CD47: variants seen among roughly 807,000 people sequenced by gnomAD.
CD47 encodes CD47 molecule.
A neutral mutation model predicts 44.6 loss-of-function variants in CD47; 11 were observed. The ratio of observed to expected loss-of-function variants is 0.25; its 90% CI spans 0.16 to 0.41. The LOEUF is 0.41. CD47 is among the 10% of genes least tolerant of loss of function. The probability of loss-of-function intolerance (pLI) is 1.00; values close to 1 mark genes in which losing one functional copy is unlikely to be tolerated. For missense variants in CD47, 306 were observed against 386.7 expected (o/e 0.79, Z 1.75); for synonymous variants, 140 against 136.3 (o/e 1.03, Z -0.19).
intron 2 of CD47, among the ~76,000 whole-genome samples, chr3:108,074,070 C>G (rs904637933): frequency 6.6e-6 from 1 of 152,130 alleles, no homozygotes; most frequent in Non-Finnish European, 1.5e-5. Context: ...TAAGGAAGAA[C>G]TGAAATTGCC....
At chr3:108,074,469 A>G (rs1429267948) in intron 2 of CD47, among the ~76,000 whole-genome samples, 1 of 152,058 alleles carries the variant, frequency 6.6e-6, no homozygotes, top group Non-Finnish European at 1.5e-5. Flanking sequence ...AGGCGCCACC[A>G]TGCCCAGCTA....
At chr3:108,066,090 C>T (rs569899764) in intron 3 of CD47, among the ~76,000 whole-genome samples, 10 of 152,116 alleles carry the variant, frequency 6.6e-5, no homozygotes, top group Non-Finnish European at 1.0e-4. Context: ...AAGCTGTCCT[C>T]AAGTCAAAAC....
chr3:108,076,148 G>C (rs1349276920), intron 2 of CD47, among the ~76,000 whole-genome samples: 2 of 152,102 alleles, frequency 1.3e-5, no homozygotes, highest in East Asian at 1.9e-4. Flanking sequence ...CCATGACCAG[G>C]CTTGCCACCT....
intron 2 of CD47, among the ~76,000 whole-genome samples, chr3:108,076,399 C>T (rs974857123): frequency 1.3e-5 from 2 of 152,076 alleles, no homozygotes; most frequent in Non-Finnish European, 2.9e-5. Context: ...TTTTGTATTG[C>T]TAATAGAACA....
chr3:108,059,417 G>T (rs1225721326), intron 5 of CD47, 35 bp downstream of exon 5: 3 of 1,051,968 alleles, frequency 2.9e-6, no homozygotes, highest in Non-Finnish European at 4.1e-6. Context: ...AATGAAAAAG[G>T]TAGACAAAAT....
chr3:108,068,771 G>C (rs2079147427), intron 3 of CD47, among the ~76,000 whole-genome samples: 1 of 152,160 alleles, frequency 6.6e-6, no homozygotes, highest in African/African-American at 2.4e-5. Context: ...CTGTCAAGCA[G>C]AGCAAGAGCT....
Position 108,060,905 on chromosome 3 carries a change from T to A in CD47, c.491-53A>T, listed in dbSNP as rs80229382. 1.3e-3 allele frequency: 1,586 copies of A among 1,183,266 alleles called. 17 individuals carry two copies. In the African/African-American group the frequency reaches 0.022, roughly 16 times the overall value. 73.3% of individuals were successfully genotyped at this position (1,183,266 alleles called of 1,614,324 possible). ...TGAACTCAATCACAAGTGAAGCCAT[T>A]TTAATAACTTGTAAGGTACAGAGAC... is the stretch of plus-strand genomic sequence containing the variant. On this transcript the variant is annotated intron_variant, in intron 3 of 10. Coordinates refer to ENST00000361309, the MANE Select transcript of CD47 (RefSeq NM_001777.4).
intron 8 of CD47, among the ~76,000 whole-genome samples, chr3:108,051,590 CATTCTGTGTATGCACATCCA>C (rs1225967115): frequency 6.6e-6 from 1 of 152,148 alleles, no homozygotes; most frequent in African/African-American, 2.4e-5. Flanking sequence ...CTGAAATTGT[CATTCTGTGTATGCACATCCA>C]ATGAATCCAA....
chr3:108,052,165 G>A (rs890298246), intron 7 of CD47, 195 bp from the exon 8 acceptor site: 3 of 417,528 alleles, frequency 7.2e-6, no homozygotes, highest in African/African-American at 2.0e-5. Flanking sequence ...TTTGAAAAAT[G>A]AAGCAAATAA....
intron 3 of CD47, among the ~76,000 whole-genome samples, chr3:108,063,436 T>G (rs775190601): frequency 1.3e-5 from 2 of 152,196 alleles, no homozygotes; most frequent in African/African-American, 4.8e-5. Flanking sequence ...ATGGTCACAT[T>G]TCAGCAGGTA....
intron 1 of CD47, among the ~76,000 whole-genome samples, chr3:108,082,627 G>A (rs1378637023): frequency 6.6e-6 from 1 of 151,878 alleles, no homozygotes; most frequent in Admixed American, 6.6e-5. Flanking sequence ...AAAGAGGTAC[G>A]AATGAAGAAC....
intron 10 of CD47, among the ~76,000 whole-genome samples, chr3:108,048,844 T>C (rs1296770242): frequency 3.3e-5 from 5 of 152,084 alleles, no homozygotes; most frequent in East Asian, 3.8e-4. Context: ...CGAGGAGTGA[T>C]TATAAATATC....
intron 6 of CD47, 101 bp downstream of exon 6, chr3:108,058,236 C>G (rs878960183): frequency 9.5e-6 from 6 of 628,532 alleles, no homozygotes; most frequent in Non-Finnish European, 1.5e-5. Flanking sequence ...AAAAAAAAAT[C>G]AAGTCTATAT....
At chr3:108,052,195 A>C (rs2078840254) in intron 7 of CD47, 3 of 359,042 alleles carry the variant, frequency 8.4e-6, no homozygotes, top group Non-Finnish European at 1.6e-5. Context: ...ATCAAATAGT[A>C]AACACATTCT....
rs1248228474 is a variant in CD47, at chr3:108,064,546, A to G, written c.491-3694T>C. ...TGAAATCTAATGAAATTACCAAGTC[A>G]ACTTGGGGATAAAATCAAGTCTATC... On this transcript the variant is annotated intron_variant, in intron 3 of 10. Coordinates refer to ENST00000361309, the MANE Select transcript of CD47 (RefSeq NM_001777.4). Among the ~76,000 whole-genome samples, 11 of 152,320 alleles carry G rather than the reference A, an allele frequency of 7.2e-5. No homozygotes were observed. In the East Asian group the frequency reaches 2.1e-3, roughly 29 times the overall value.
At chr3:108,068,235 G>A (rs1448539959) in intron 3 of CD47, among the ~76,000 whole-genome samples, 1 of 152,210 alleles carries the variant, frequency 6.6e-6, no homozygotes, top group Non-Finnish European at 1.5e-5. Context: ...GCCATCAACA[G>A]AGGCACTAAC....
At chr3:108,056,735 A>C (rs1309116947) in intron 7 of CD47, among the ~76,000 whole-genome samples, 1 of 152,128 alleles carries the variant, frequency 6.6e-6, no homozygotes, top group Non-Finnish European at 1.5e-5. Flanking sequence ...GCACAATTGA[A>C]AATATCTCTC....
At chr3:108,066,594 T>C (rs1292224740) in intron 3 of CD47, among the ~76,000 whole-genome samples, 2 of 152,216 alleles carry the variant, frequency 1.3e-5, no homozygotes, top group African/African-American at 2.4e-5. Context: ...TGGAGTTTTG[T>C]TACCTCCTTG....
intron 1 of CD47, 71 bp downstream of exon 1, chr3:108,090,792 G>A (rs544018310): frequency 5.1e-5 from 69 of 1,354,580 alleles, no homozygotes; most frequent in Non-Finnish European, 6.3e-5. Context: ...CGGGCTGGCT[G>A]GGGCGCAGCC....
Sources: gnomAD v4.1 joint callset for allele counts (sites outside exome capture counted in the v4.1 genomes callset) on GRCh38, gnomAD v4.1.1 for gene constraint, MANE v1.5 for transcripts, NCBI Gene and HGNC (gene_info 2026-07-23, HGNC 2026-07-21) for gene names.